Variants in TRNAU1AP observed in about 807,000 individuals in gnomAD.
TRNAU1AP encodes the protein tRNA selenocysteine 1-associated protein 1.
Under a neutral mutation model 43.3 loss-of-function variants are expected in TRNAU1AP, and 33 were observed. The ratio of observed to expected loss-of-function variants is 0.76; its 90% CI spans 0.58 to 1.02. The LOEUF is 1.02. Ranked by LOEUF, TRNAU1AP falls within the 50% of genes least tolerant of loss-of-function variation. The pLI is 0.00. For missense variants in TRNAU1AP, 290 were observed against 362.7 expected (o/e 0.80, Z 1.63); for synonymous variants, 143 against 129.1 (o/e 1.11, Z -0.73).
At chr1:28,559,267 G>A (rs964692047) in intron 2 of TRNAU1AP, among the ~76,000 whole-genome samples, 2 of 151,972 alleles carry the variant, frequency 1.3e-5, no homozygotes, top group African/African-American at 4.8e-5. Flanking sequence ...ATGTATAAAA[G>A]CCAACCTCTT....
intron 3 of TRNAU1AP, 145 bp from the exon 4 acceptor site, chr1:28,561,201 C>A: frequency 6.8e-7 from 1 of 1,473,846 alleles, no homozygotes. Context: ...CCGTGCAACC[C>A]CCTCATTTTA....
intron 5 of TRNAU1AP, among the ~76,000 whole-genome samples, chr1:28,566,263 C>A (rs1466720752): frequency 6.8e-6 from 1 of 147,608 alleles, no homozygotes; most frequent in Admixed American, 6.9e-5. Context: ...TGCAGTGAGC[C>A]AAGATCGTGC....
At chr1:28,572,052 TA>T in intron 8 of TRNAU1AP, 152 bp downstream of exon 8, 1 of 749,882 alleles carries the variant, frequency 1.3e-6, no homozygotes, top group Non-Finnish European at 2.3e-6. Context: ...GTAATTATGG[TA>T]AGATGTGTCG....
At position 28,553,120 on chromosome 1, in the gene TRNAU1AP, A is replaced by G. The variant is rs1665171721; in HGVS notation, c.10A>G (p.Ser4Gly). MAASLWMGDLEPYM... is the reference protein window; with the variant it reads MAAGLWMGDLEPYM... The stretch of plus-strand genomic sequence containing the variant: ...ACCCCGGTGCGCGGGTATGGCGGCC[A>G]GCCTGTGGATGGGCGACGTGAGTGA... The change falls in exon 1 of 9, where the codon AGC becomes GGC. Residue 4 changes from serine to glycine, a missense_variant. Ser to Gly is a moderately conservative substitution (Grantham distance 56, BLOSUM62 0). This residue lies in a region of TRNAU1AP where 59 missense variants were observed against 45.5 expected (regional missense o/e 1.30). Transcript: ENST00000373830. The G allele has an allele frequency of 6.6e-7, 1 of 1,520,986 alleles. No individual in the cohort carries two copies. Among genetic ancestry groups the G allele is most frequent in the Non-Finnish European group, 8.8e-7 (1 of 1,131,814 alleles). The allele number at this position is 1,520,986 out of a possible 1,614,324, so 94.2% of individuals were successfully genotyped here.
intron 2 of TRNAU1AP, among the ~76,000 whole-genome samples, chr1:28,557,344 C>T (rs150259986): frequency 0.042 from 6,297 of 151,246 alleles, 174 homozygotes; most frequent in East Asian, 0.12. Flanking sequence ...GGCGTGAACC[C>T]GGGAGGTGGA....
intron 3 of TRNAU1AP, 104 bp downstream of exon 3, chr1:28,560,836 A>G: frequency 1.9e-6 from 2 of 1,034,324 alleles, no homozygotes; most frequent in South Asian, 3.4e-5. Flanking sequence ...TCCTAAAACA[A>G]CCCTTTACAG....
intron 8 of TRNAU1AP, among the ~76,000 whole-genome samples, chr1:28,576,108 C>T (rs1471279252): frequency 1.3e-5 from 2 of 151,074 alleles, no homozygotes; most frequent in African/African-American, 2.4e-5. Flanking sequence ...ATCTGCCCAC[C>T]TCGGCCTCCC....
intron 8 of TRNAU1AP, among the ~76,000 whole-genome samples, chr1:28,575,465 G>GTT (rs1235068576): frequency 7.1e-5 from 9 of 127,450 alleles, no homozygotes; most frequent in African/African-American, 8.7e-5. Flanking sequence ...GTTTTTTTTT[G>GTT]TTTTTTTTTT....
chr1:28,576,156 GT>G lies in TRNAU1AP; in HGVS notation c.728-1329del, dbSNP rs58148511. 7.3e-4 allele frequency among the ~76,000 whole-genome samples: 101 copies of G among 137,594 alleles called. 1 individual carries two copies. The highest frequency in any genetic ancestry group is 3.0e-3 in the East Asian group (14 of 4,644). 90.3% of individuals were successfully genotyped at this position (137,594 alleles called of 152,430 possible). A position where few individuals can be genotyped will look rare whatever the true frequency, so the allele number is the denominator to read the frequency against. ...TTACAGGCATGAGCCACAGTGCCCA[GT>G]TTTTTTTTTTTTTTGAGACAGAGTC... is the stretch of plus-strand genomic sequence containing the variant. On this transcript the variant is annotated intron_variant, in intron 8 of 8. Transcript: ENST00000373830.
At chr1:28,556,998 T>C (rs1317175434) in intron 2 of TRNAU1AP, among the ~76,000 whole-genome samples, 3 of 145,124 alleles carry the variant, frequency 2.1e-5, no homozygotes, top group African/African-American at 7.6e-5. Context: ...ATTTTTAGTA[T>C]AGATGGGATT....
chr1:28,573,425 G>A (rs921726299), intron 8 of TRNAU1AP, among the ~76,000 whole-genome samples: 1 of 151,466 alleles, frequency 6.6e-6, no homozygotes, highest in African/African-American at 2.4e-5. Flanking sequence ...TGAATCATGA[G>A]GTTAAGAGAT....
intron 4 of TRNAU1AP, among the ~76,000 whole-genome samples, chr1:28,561,701 G>A (rs1365819485): frequency 1.3e-5 from 2 of 152,216 alleles, no homozygotes; most frequent in Non-Finnish European, 2.9e-5. Flanking sequence ...ACTTTGGGAG[G>A]CCGAAACAGG....
At chr1:28,560,252 C>T (rs1457436958) in intron 2 of TRNAU1AP, among the ~76,000 whole-genome samples, 1 of 151,054 alleles carries the variant, frequency 6.6e-6, no homozygotes, top group African/African-American at 2.4e-5. Context: ...TTTCTTTCTC[C>T]CTTCAAGGCC....
chr1:28,553,248 T>G, intron 1 of TRNAU1AP, 111 bp downstream of exon 1: 1 of 1,203,612 alleles, frequency 8.3e-7, no homozygotes, highest in Non-Finnish European at 1.1e-6. Flanking sequence ...GGGAGACGTG[T>G]GACGGGGGTT....
chr1:28,570,043 G>A lies in TRNAU1AP; in HGVS notation c.531-1133G>A, dbSNP rs549793499. ...CGAAAACAAAAGGCGGGGTGCTGTGGCTCACGCCTGTAATCCCAACACTTT... is the reference window on the plus strand; with the variant it reads ...CGAAAACAAAAGGCGGGGTGCTGTGACTCACGCCTGTAATCCCAACACTTT... On this transcript the variant is annotated intron_variant, in intron 6 of 8. Transcript: ENST00000373830. Among the ~76,000 whole-genome samples the A allele has an allele frequency of 2.0e-5, 3 of 152,082 alleles. No homozygotes were observed. The East Asian group carries it at 5.8e-4, about 30-fold the overall frequency.
At chr1:28,560,555 C>T (rs888018502) in intron 2 of TRNAU1AP, 78 bp from the exon 3 acceptor site, 24 of 1,184,428 alleles carry the variant, frequency 2.0e-5, no homozygotes, top group African/African-American at 4.5e-5. Flanking sequence ...GGATTATATG[C>T]GTGAGCCATC....
chr1:28,558,795 G>C (rs1665337342), intron 2 of TRNAU1AP, among the ~76,000 whole-genome samples: 1 of 151,908 alleles, frequency 6.6e-6, no homozygotes, highest in Non-Finnish European at 1.5e-5. Context: ...TCAGTCTCCT[G>C]ACCTCGTGAT....
chr1:28,577,928 G>T lies in TRNAU1AP; in HGVS notation c.*292G>T, dbSNP rs555653701. ...TATCCAAAACTGGGATGAGCAGCTT[G>T]GGATAATTCACACACTAAAGCCTGA... On this transcript the variant is annotated 3_prime_UTR_variant, in exon 9 of 9. Coordinates refer to ENST00000373830, the MANE Select transcript of TRNAU1AP (RefSeq NM_017846.5). 95 of 251,236 alleles carry T rather than the reference G, an allele frequency of 3.8e-4. No individual in the cohort carries two copies. The South Asian group carries it at 5.4e-3, about 14-fold the overall frequency. The allele number at this position is 251,236 out of a possible 1,614,324, so 15.6% of individuals were successfully genotyped here.
At chr1:28,557,445 G>A (rs1665291148) in intron 2 of TRNAU1AP, among the ~76,000 whole-genome samples, 1 of 148,642 alleles carries the variant, frequency 6.7e-6, no homozygotes, top group African/African-American at 2.5e-5. Context: ...AATAAGATAT[G>A]GAACTCTTGT....
Sources: gnomAD v4.1 joint callset for allele counts (sites outside exome capture counted in the v4.1 genomes callset) on GRCh38, gnomAD v4.1.1 for gene constraint, gnomAD v4.1.1 regional missense constraint, MANE v1.5 for transcripts, NCBI Gene and HGNC (gene_info 2026-07-23, HGNC 2026-07-21) for gene names.